The following MTMR8 variants were observed in gnomAD, a reference collection of about 807,000 sequenced individuals.
The protein encoded by MTMR8 is myotubularin related protein 8.
MTMR8 carries 65 observed loss-of-function variants against 39.3 expected under a neutral mutation model. The observed-to-expected ratio is 1.65, with a 90% CI of 1.35 to 2.03. MTMR8 has a LOEUF of 2.03. Among genes scored for constraint, MTMR8 ranks in the 30% most tolerant of loss-of-function variants. MTMR8 has a pLI of 0.00. For synonymous variants in MTMR8, 245 were observed against 185.2 expected, an observed-to-expected ratio of 1.32 and a Z score of -2.62; for missense variants, 777 against 538.9, an observed-to-expected ratio of 1.44 and a Z score of -4.37.
Position 64,371,534 on chromosome X carries a change from A to AT in MTMR8, c.25-12008_25-12007insA, listed in dbSNP as rs754757584. Among the ~76,000 whole-genome samples, 3 of 111,284 alleles carry AT rather than the reference A, an allele frequency of 2.7e-5. No individual in the cohort carries two copies. In the Admixed American group the frequency reaches 2.9e-4, roughly 11 times the overall value. On this transcript the variant is annotated intron_variant, in intron 1 of 13. Coordinates refer to ENST00000374852, the MANE Select transcript of MTMR8 (RefSeq NM_017677.4). ...ATAAACCAGTATCCTTTGACCCAAT[A>AT]CCCTACTGTTAGAAGTTTATCCTCA...
chrX:64,363,902 A>G (rs1309719281), intron 1 of MTMR8, among the ~76,000 whole-genome samples: 1 of 112,244 alleles, frequency 8.9e-6, no homozygotes, highest in Non-Finnish European at 1.9e-5. Context: ...GTGCTTTTCC[A>G]ACAGTATAAG....
chrX:64,270,239 A>G (rs979399698), intron 13 of MTMR8, among the ~76,000 whole-genome samples: 2 of 112,132 alleles, frequency 1.8e-5, no homozygotes, highest in Non-Finnish European at 3.8e-5. Context: ...TGTAATCACA[A>G]CACATTTATT....
chrX:64,276,590 T>C (rs888919743), intron 12 of MTMR8, among the ~76,000 whole-genome samples: 1 of 112,065 alleles, frequency 8.9e-6, no homozygotes, highest in Non-Finnish European at 1.9e-5. Flanking sequence ...TTGTGCAGTT[T>C]TGAGTGAGTT....
At chrX:64,389,050 A>C (rs1924632474) in intron 1 of MTMR8, among the ~76,000 whole-genome samples, 1 of 111,910 alleles carries the variant, frequency 8.9e-6, no homozygotes, top group South Asian at 3.7e-4. Flanking sequence ...AGCTCTGGGC[A>C]AGTTGCTTAA....
intron 12 of MTMR8, among the ~76,000 whole-genome samples, chrX:64,299,133 G>A (rs1181815762): frequency 3.7e-5 from 3 of 81,853 alleles, no homozygotes; most frequent in Non-Finnish European, 6.8e-5. Flanking sequence ...TCTATTGATT[G>A]GAATAGTTTC....
chrX:64,289,505 C>T (rs1249194718), intron 12 of MTMR8, among the ~76,000 whole-genome samples: 2 of 108,656 alleles, frequency 1.8e-5, no homozygotes, highest in Non-Finnish European at 3.8e-5. Flanking sequence ...GGCGTGGTGG[C>T]ACATGTATGT....
intron 2 of MTMR8, among the ~76,000 whole-genome samples, chrX:64,358,113 G>A (rs187459067): frequency 3.6e-5 from 4 of 111,727 alleles, no homozygotes; most frequent in Admixed American, 1.9e-4. Flanking sequence ...ATAGGCTTAC[G>A]GCACAGTACT....
chrX:64,301,116 G>T (rs1397756449), intron 12 of MTMR8, among the ~76,000 whole-genome samples: 1 of 107,625 alleles, frequency 9.3e-6, no homozygotes. Flanking sequence ...GAATCTGAAC[G>T]TTGGCCTGCC....
At chrX:64,394,251 C>T (rs1015390819) in intron 1 of MTMR8, among the ~76,000 whole-genome samples, 1 of 111,808 alleles carries the variant, frequency 8.9e-6, no homozygotes, top group Non-Finnish European at 1.9e-5. Context: ...CGGGTCCCTC[C>T]CACAACACGT....
At position 64,299,244 on chromosome X, in the gene MTMR8, C is replaced by T. The variant is rs1428263413; in HGVS notation, c.1482-28171G>A. On this transcript the variant is annotated intron_variant, in intron 12 of 13. Coordinates refer to ENST00000374852, the MANE Select transcript of MTMR8 (RefSeq NM_017677.4). The stretch of plus-strand genomic sequence containing the variant: ...TTGGTTGGTAAACTATTGATTATTG[C>T]CACAATTTCAGCTCCTGTTATTGGT... 9.2e-5 allele frequency among the ~76,000 whole-genome samples: 7 copies of T among 76,397 alleles called. No individual in the cohort carries two copies. The East Asian group carries it at 3.1e-3, about 34-fold the overall frequency. The allele number at this position is 76,397 out of a possible 115,157, so 66.3% of individuals were successfully genotyped here. A position where few individuals can be genotyped will look rare whatever the true frequency, so the allele number is the denominator to read the frequency against.
chrX:64,345,039 C>T lies in MTMR8; in HGVS notation c.865+6G>A. On this transcript the variant is annotated splice_donor_region_variant and intron_variant, in intron 7 of 13. Coordinates refer to ENST00000374852, the MANE Select transcript of MTMR8 (RefSeq NM_017677.4). ...CGCTTGCCTAGCCAAGGTGAAATCCCTGTACCTTCCAAGAGTTTCTGCAGA... is the reference window on the plus strand; with the variant it reads ...CGCTTGCCTAGCCAAGGTGAAATCCTTGTACCTTCCAAGAGTTTCTGCAGA... 8.3e-7 allele frequency: 1 copy of T among 1,209,197 alleles called. No homozygotes were observed. Among genetic ancestry groups the T allele is most frequent in the African/African-American group, 1.7e-5 (1 of 57,762 alleles).
chrX:64,388,719 A>G (rs1924623107), intron 1 of MTMR8, among the ~76,000 whole-genome samples: 1 of 112,437 alleles, frequency 8.9e-6, no homozygotes, highest in Non-Finnish European at 1.9e-5. Flanking sequence ...GTTAATAGGC[A>G]TGTACACACA....
At chrX:64,376,641 C>T (rs1002329204) in intron 1 of MTMR8, among the ~76,000 whole-genome samples, 2 of 112,260 alleles carry the variant, frequency 1.8e-5, no homozygotes, top group Admixed American at 9.4e-5. Flanking sequence ...GAAACTCTAA[C>T]TTATATTTAA....
intron 1 of MTMR8, among the ~76,000 whole-genome samples, chrX:64,387,632 T>C (rs1213148926): frequency 9.3e-6 from 1 of 107,600 alleles, no homozygotes; most frequent in Non-Finnish European, 1.9e-5. Flanking sequence ...GTAGTGCTTT[T>C]ACCTGGCAGA....
At chrX:64,354,743 T>A (rs778447408) in intron 4 of MTMR8, 34 bp downstream of exon 4, 1 of 1,143,332 alleles carries the variant, frequency 8.7e-7, no homozygotes, top group Non-Finnish European at 1.2e-6. Context: ...CTTAATTAAA[T>A]GCACCAAAAG....
At chrX:64,390,006 T>C (rs1431261582) in intron 1 of MTMR8, among the ~76,000 whole-genome samples, 1 of 112,035 alleles carries the variant, frequency 8.9e-6, no homozygotes, top group African/African-American at 3.2e-5. Context: ...CCTCTGGAAA[T>C]CTCATTTCCT....
intron 12 of MTMR8, among the ~76,000 whole-genome samples, chrX:64,316,859 A>G (rs890037233): frequency 9.1e-6 from 1 of 110,183 alleles, no homozygotes; most frequent in Non-Finnish European, 1.9e-5. Context: ...GGCTGTAATC[A>G]TAGCACTTTG....
At chrX:64,326,832 G>A (rs1922807463) in intron 12 of MTMR8, among the ~76,000 whole-genome samples, 1 of 109,836 alleles carries the variant, frequency 9.1e-6, no homozygotes, top group Non-Finnish European at 1.9e-5. Flanking sequence ...AACCAAAATA[G>A]AATGATACTG....
intron 12 of MTMR8, among the ~76,000 whole-genome samples, chrX:64,317,670 T>A (rs1323699506): frequency 8.9e-6 from 1 of 112,310 alleles, no homozygotes; most frequent in Non-Finnish European, 1.9e-5. Flanking sequence ...AGTTTCCTTG[T>A]TCTTGGTCTG....
Sources: allele counts gnomAD v4.1 joint callset (sites outside exome capture counted in the v4.1 genomes callset), GRCh38; gene constraint gnomAD v4.1.1; transcripts MANE v1.5; gene names NCBI Gene and HGNC (gene_info 2026-07-23, HGNC 2026-07-21).